The following MYBL1 variants were observed in gnomAD, a reference collection of about 807,000 sequenced individuals.
MYBL1 encodes the protein myb-related protein A.
Under a neutral mutation model 96.3 loss-of-function variants are expected in MYBL1, and 17 were observed. The ratio of observed to expected loss-of-function variants is 0.18; its 90% confidence interval spans 0.12 to 0.26. The LOEUF is 0.26. MYBL1 is among the 10% of genes least tolerant of loss of function. MYBL1 has a pLI of 1.00. For missense variants in MYBL1, 701 were observed against 882.9 expected (o/e 0.79, Z 2.61); for synonymous variants, 282 against 292.7 (o/e 0.96, Z 0.37).
intron 12 of MYBL1, among the ~76,000 whole-genome samples, chr8:66,568,330 G>C (rs1433712183): frequency 2.0e-5 from 3 of 152,088 alleles, no homozygotes; most frequent in Admixed American, 2.0e-4. Flanking sequence ...CCAGGCTGGA[G>C]TGTAGTAGCA....
chr8:66,578,144 C>T (rs1387516271), intron 9 of MYBL1, among the ~76,000 whole-genome samples: 2 of 151,998 alleles, frequency 1.3e-5, no homozygotes, highest in African/African-American at 2.4e-5. Context: ...AAAACCTAGG[C>T]ATTACCATTC....
Position 66,579,171 on chromosome 8 carries a change from G to A in MYBL1, c.1101+962C>T, listed in dbSNP as rs895271062. ...GGTGCAGCACACCAGCATGGCACAC[G>A]TATACATATGTAACTAACCTGCATA... On this transcript the variant is annotated intron_variant, in intron 9 of 15. Transcript: ENST00000522677. Among the ~76,000 whole-genome samples, 125 of 151,518 alleles carry A rather than the reference G, an allele frequency of 8.2e-4. No homozygotes were observed. The Middle Eastern group carries it at 0.01, about 12-fold the overall frequency.
intron 1 of MYBL1, among the ~76,000 whole-genome samples, chr8:66,608,497 A>C (rs1167206836): frequency 1.3e-5 from 2 of 152,170 alleles, no homozygotes; most frequent in Non-Finnish European, 2.9e-5. Flanking sequence ...GACCAAAAAA[A>C]AGATCCTAGA....
intron 8 of MYBL1, among the ~76,000 whole-genome samples, chr8:66,582,045 G>A (rs1471171304): frequency 1.3e-5 from 2 of 151,876 alleles, no homozygotes; most frequent in African/African-American, 4.8e-5. Flanking sequence ...GGTACACAAA[G>A]GAGAAAGATA....
At chr8:66,608,971 C>G (rs1413120344) in intron 1 of MYBL1, among the ~76,000 whole-genome samples, 1 of 152,038 alleles carries the variant, frequency 6.6e-6, no homozygotes, top group Non-Finnish European at 1.5e-5. Context: ...TGATAAATGT[C>G]TAATACATAA....
At chr8:66,581,048 G>A (rs1298392809) in intron 8 of MYBL1, among the ~76,000 whole-genome samples, 1 of 151,956 alleles carries the variant, frequency 6.6e-6, no homozygotes, top group Non-Finnish European at 1.5e-5. Context: ...TTTTAGTAGA[G>A]ACAGGGTTTC....
Position 66,566,120 on chromosome 8 carries a change from T to C in MYBL1, c.2074A>G (p.Lys692Glu). Residue 692 changes from lysine (K) to glutamate (E), a missense_variant, in exon 15 of 16, where the codon AAA becomes GAA. By Grantham distance (56) the Lys-to-Glu change is moderately conservative (BLOSUM62 1). This residue lies in a region of MYBL1 where 137 missense variants were observed against 137.5 expected (regional missense o/e 1.00). Coordinates refer to ENST00000522677, the MANE Select transcript of MYBL1 (RefSeq NM_001080416.4). ...GAAGTGTTAGGGTTTGGTTTCTTTT[T>C]AGTAAGTGTATATGTTTTGTTGGTT... ...NSTNKTYTLTKKKPNPNTSKV... is the reference protein window; with the variant it reads ...NSTNKTYTLTEKKPNPNTSKV... 6.5e-7 allele frequency: 1 copy of C among 1,545,040 alleles called. No homozygotes were observed. Among genetic ancestry groups the C allele is most frequent in the Non-Finnish European group, 8.8e-7 (1 of 1,141,586 alleles).
intron 9 of MYBL1, among the ~76,000 whole-genome samples, chr8:66,577,157 A>C (rs897731663): frequency 1.3e-5 from 2 of 151,530 alleles, no homozygotes; most frequent in Non-Finnish European, 2.9e-5. Flanking sequence ...ATTCCCTTTG[A>C]AAACTGGCAC....
intron 2 of MYBL1, among the ~76,000 whole-genome samples, chr8:66,602,161 T>C (rs1810098134): frequency 6.6e-6 from 1 of 152,042 alleles, no homozygotes; most frequent in African/African-American, 2.4e-5. Context: ...GTGATCCTCC[T>C]GCCTCAGCCT....
At chr8:66,605,485 AAAG>A (rs1455756052) in intron 1 of MYBL1, among the ~76,000 whole-genome samples, 1 of 152,210 alleles carries the variant, frequency 6.6e-6, no homozygotes, top group African/African-American at 2.4e-5. Context: ...AAGCAATTTT[AAAG>A]AATAAAGCCC....
At position 66,564,768 on chromosome 8, in the gene MYBL1, T is replaced by A; in HGVS notation, c.2188A>T (p.Thr730Ser). ...YGKTEDQLIM[T>S]EQARRYLSTY... ...CTCAGATATCTTCTTGCTTGTTCAG[T>A]CATAATAAGTTGGTCTTCTGTCTTC... The change falls in exon 16 of 16, where the codon ACT becomes TCT. Residue 730 changes from threonine to serine, a missense_variant. By Grantham distance (58) the Thr-to-Ser change is moderately conservative (BLOSUM62 1). Around this residue, in one of 5 missense-constraint regions of MYBL1, gnomAD observed 137 missense variants for 137.5 expected, o/e 1.00. Coordinates refer to ENST00000522677, the MANE Select transcript of MYBL1 (RefSeq NM_001080416.4). 2 of 1,584,098 alleles carry A rather than the reference T, an allele frequency of 1.3e-6. No individual in the cohort carries two copies. The highest frequency in any genetic ancestry group is 2.3e-5 in the South Asian group (2 of 87,366).
At chr8:66,568,161 A>G (rs1808585905) in intron 12 of MYBL1, among the ~76,000 whole-genome samples, 1 of 152,216 alleles carries the variant, frequency 6.6e-6, no homozygotes, top group Non-Finnish European at 1.5e-5. Context: ...GAGATTTCAC[A>G]GCACTTACAA....
At chr8:66,603,924 C>T (rs902192165) in intron 1 of MYBL1, among the ~76,000 whole-genome samples, 5 of 151,302 alleles carry the variant, frequency 3.3e-5, no homozygotes, top group Non-Finnish European at 5.9e-5. Context: ...TACCAATAGA[C>T]TTTGGGAGGC....
chr8:66,602,567 A>G lies in MYBL1; in HGVS notation c.21-44T>C, dbSNP rs150284929. On this transcript the variant is annotated intron_variant, in intron 1 of 15. Coordinates refer to ENST00000522677, the MANE Select transcript of MYBL1 (RefSeq NM_001080416.4). ...TTGTGATATCAAGAATTTTATTTAA[A>G]TTTGTAAATTCAAACACTGAACTTG... is the stretch of plus-strand genomic sequence containing the variant. 1.5e-5 allele frequency: 22 copies of G among 1,421,994 alleles called. No individual in the cohort carries two copies. In the East Asian group the frequency reaches 5.0e-4, roughly 32 times the overall value. The allele number at this position is 1,421,994 out of a possible 1,614,324, so 88.1% of individuals were successfully genotyped here. A position where few individuals can be genotyped will look rare whatever the true frequency, so the allele number is the denominator to read the frequency against.
intron 15 of MYBL1, 64 bp downstream of exon 15, chr8:66,566,000 A>C: frequency 9.0e-7 from 1 of 1,105,360 alleles, no homozygotes; most frequent in Non-Finnish European, 1.3e-6. Context: ...TGTGATCAGT[A>C]AATCCAAAGT....
Position 66,595,420 on chromosome 8 carries a change from A to G in MYBL1, c.687+163T>C, listed in dbSNP as rs142208395. Reference sequence around the variant, plus strand: ...ACATATAAAAGGAAACATTTTAATAAATTTGTTCTCAAAATATTTATAAAT... The same window carrying G: ...ACATATAAAAGGAAACATTTTAATAGATTTGTTCTCAAAATATTTATAAAT... On this transcript the variant is annotated intron_variant, in intron 6 of 15. Coordinates refer to ENST00000522677, the MANE Select transcript of MYBL1 (RefSeq NM_001080416.4). Among the ~76,000 whole-genome samples, 1,254 of 152,232 alleles carry G rather than the reference A, an allele frequency of 8.2e-3. 16 individuals carry two copies. Among genetic ancestry groups the G allele is most frequent in the African/African-American group, 0.028 (1,179 of 41,548 alleles).
At chr8:66,565,001 GA>G in intron 15 of MYBL1, 176 bp from the exon 16 acceptor site, 1 of 369,206 alleles carries the variant, frequency 2.7e-6, no homozygotes, top group Non-Finnish European at 4.6e-6. Flanking sequence ...AATATATACT[GA>G]AATATTTTTT....
At chr8:66,610,554 A>G (rs1810488441) in intron 1 of MYBL1, among the ~76,000 whole-genome samples, 3 of 152,230 alleles carry the variant, frequency 2.0e-5, no homozygotes, top group African/African-American at 7.2e-5. Context: ...AACTTGAAGT[A>G]ACTGAATTAT....
intron 8 of MYBL1, among the ~76,000 whole-genome samples, chr8:66,587,235 T>C (rs954880666): frequency 1.2e-4 from 18 of 152,144 alleles, no homozygotes; most frequent in Non-Finnish European, 5.9e-5. Flanking sequence ...AAAGAAATGA[T>C]AAATGTTTGA....
Sources: gnomAD v4.1 joint callset for allele counts (sites outside exome capture counted in the v4.1 genomes callset) on GRCh38, gnomAD v4.1.1 for gene constraint, gnomAD v4.1.1 regional missense constraint, MANE v1.5 for transcripts, NCBI Gene and HGNC (gene_info 2026-07-23, HGNC 2026-07-21) for gene names.